RALGPS1: variants seen among roughly 807,000 people sequenced by gnomAD.
RALGPS1 encodes ras-specific guanine nucleotide-releasing factor RalGPS1.
Under a neutral mutation model 78.8 loss-of-function variants are expected in RALGPS1, and 19 were observed. The observed-to-expected ratio is 0.24, with a 90% CI of 0.17 to 0.35. The LOEUF (loss-of-function observed/expected upper bound fraction) is 0.35, where lower values mean the gene tolerates loss of function less well. RALGPS1 is among the 10% of genes least tolerant of loss of function. The pLI is 1.00. For missense variants in RALGPS1, 454 were observed against 688.3 expected (o/e 0.66, Z 3.81); for synonymous variants, 228 against 256.3 (o/e 0.89, Z 1.06).
At chr9:127,013,724 C>T (rs979478315) in intron 4 of RALGPS1, among the ~76,000 whole-genome samples, 2 of 152,278 alleles carry the variant, frequency 1.3e-5, no homozygotes, top group African/African-American at 2.4e-5. Context: ...GGTGATTCCA[C>T]ATCTCTAAGG....
intron 8 of RALGPS1, 167 bp downstream of exon 8, chr9:127,069,523 G>T (rs959975420): frequency 8.8e-6 from 6 of 682,982 alleles, no homozygotes; most frequent in Non-Finnish European, 1.4e-5. Context: ...ACTTCCCAAG[G>T]TTGGAAACCT....
chr9:127,159,519 G>C (rs748750025), intron 8 of RALGPS1, among the ~76,000 whole-genome samples: 6 of 152,206 alleles, frequency 3.9e-5, no homozygotes, highest in Non-Finnish European at 7.3e-5. Flanking sequence ...TCTGCAGACC[G>C]AGGAAACTGT....
chr9:127,161,958 AATCT>A (rs1217558894), intron 8 of RALGPS1, among the ~76,000 whole-genome samples: 2 of 152,148 alleles, frequency 1.3e-5, no homozygotes, highest in Non-Finnish European at 2.9e-5. Flanking sequence ...ATGAATCGAT[AATCT>A]GGGCAAAGCT....
intron 1 of RALGPS1, among the ~76,000 whole-genome samples, chr9:126,921,886 A>C (rs1398042735): frequency 6.6e-6 from 1 of 152,206 alleles, no homozygotes; most frequent in African/African-American, 2.4e-5. Flanking sequence ...CAGGGTAGTA[A>C]GATTTTTAGG....
intron 10 of RALGPS1, among the ~76,000 whole-genome samples, chr9:127,174,289 GAGAAAGAAAGAGAA>G (rs1278479039): frequency 2.5e-5 from 3 of 122,048 alleles, no homozygotes; most frequent in South Asian, 2.6e-4. Context: ...AAGAAAGAAA[GAGAAAGAAAGAGAA>G]AGAAAGAAAG....
intron 10 of RALGPS1, among the ~76,000 whole-genome samples, chr9:127,168,996 T>C (rs1174773869): frequency 6.6e-6 from 1 of 152,232 alleles, no homozygotes; most frequent in Non-Finnish European, 1.5e-5. Flanking sequence ...TGAACAGCTC[T>C]CATACCCATC....
intron 1 of RALGPS1, among the ~76,000 whole-genome samples, chr9:126,958,142 A>AAAAAAAAAAAAAATAT (rs113413659): frequency 5.2e-5 from 4 of 77,100 alleles, no homozygotes; most frequent in Admixed American, 1.5e-4. Flanking sequence ...AAAAAAAAAA[A>AAAAAAAAAAAAAATAT]ATATATATAT....
At chr9:127,083,416 C>T (rs1471236614) in intron 8 of RALGPS1, among the ~76,000 whole-genome samples, 1 of 152,186 alleles carries the variant, frequency 6.6e-6, no homozygotes, top group Non-Finnish European at 1.5e-5. Flanking sequence ...AGGACAACTG[C>T]AGAGAATAGT....
chr9:127,192,054 A>G (rs2061092471), intron 11 of RALGPS1, among the ~76,000 whole-genome samples: 2 of 152,180 alleles, frequency 1.3e-5, no homozygotes, highest in Admixed American at 1.3e-4. Flanking sequence ...TTTGAACACC[A>G]TGTCATGGAT....
chr9:126,991,755 G>C (rs1420070048), intron 4 of RALGPS1, among the ~76,000 whole-genome samples: 1 of 152,204 alleles, frequency 6.6e-6, no homozygotes, highest in African/African-American at 2.4e-5. Context: ...CCATCTCATA[G>C]TGTTATGATG....
intron 8 of RALGPS1, among the ~76,000 whole-genome samples, chr9:127,113,729 G>A (rs1325894206): frequency 6.6e-6 from 1 of 152,240 alleles, no homozygotes; most frequent in Non-Finnish European, 1.5e-5. Context: ...AAGTGAGGCT[G>A]GTGTGACTGT....
At chr9:127,173,211 A>C (rs2059655112) in intron 10 of RALGPS1, among the ~76,000 whole-genome samples, 1 of 152,196 alleles carries the variant, frequency 6.6e-6, no homozygotes, top group Non-Finnish European at 1.5e-5. Context: ...GCTGTATCCC[A>C]TTCCAGAAAG....
chr9:127,100,122 C>T (rs867143568), intron 8 of RALGPS1, among the ~76,000 whole-genome samples: 11 of 152,102 alleles, frequency 7.2e-5, no homozygotes, highest in African/African-American at 1.4e-4. Context: ...AGATTTTTTT[C>T]ACTTCCCAAG....
chr9:127,090,805 G>A (rs1459368822), intron 8 of RALGPS1, among the ~76,000 whole-genome samples: 2 of 152,242 alleles, frequency 1.3e-5, no homozygotes, highest in Non-Finnish European at 2.9e-5. Context: ...GGAGGAGCAT[G>A]GCAGACTGAG....
intron 2 of RALGPS1, among the ~76,000 whole-genome samples, chr9:126,962,785 G>A (rs894864813): frequency 1.3e-5 from 2 of 152,232 alleles, no homozygotes; most frequent in South Asian, 2.1e-4. Flanking sequence ...CCTGGGCTAG[G>A]GCCCCTGCTG....
chr9:126,933,620 G>A (rs1002412701), intron 1 of RALGPS1, among the ~76,000 whole-genome samples: 1 of 152,156 alleles, frequency 6.6e-6, no homozygotes, highest in East Asian at 1.9e-4. Context: ...GGTTAGAGGA[G>A]GGTCGGGAGG....
chr9:126,922,345 A>G (rs2034849911), intron 1 of RALGPS1, among the ~76,000 whole-genome samples: 1 of 152,224 alleles, frequency 6.6e-6, no homozygotes, highest in Non-Finnish European at 1.5e-5. Flanking sequence ...TTTTAAAATC[A>G]TCTGAGATGA....
intron 1 of RALGPS1, among the ~76,000 whole-genome samples, chr9:126,922,278 C>T (rs919196573): frequency 5.3e-5 from 8 of 152,154 alleles, no homozygotes; most frequent in African/African-American, 1.7e-4. Flanking sequence ...AAGGTTAAGT[C>T]AATTTTTGAG....
rs1309575491 is a variant in RALGPS1, at chr9:127,047,517, G to C, written c.301-2526G>C. 3.3e-5 allele frequency among the ~76,000 whole-genome samples: 5 copies of C among 151,980 alleles called. No homozygotes were observed. The East Asian group carries it at 9.7e-4, about 29-fold the overall frequency. On this transcript the variant is annotated intron_variant, in intron 5 of 18. Transcript: ENST00000259351. ...AGTTCGAGATCAGCCTGGCCAATAC[G>C]GTGAAACCCCATCTCTACTAAAAAT...
Sources: allele counts gnomAD v4.1 joint callset (sites outside exome capture counted in the v4.1 genomes callset), GRCh38; gene constraint gnomAD v4.1.1; transcripts MANE v1.5; gene names NCBI Gene and HGNC (gene_info 2026-07-23, HGNC 2026-07-21).